SCHIP1: variants seen among roughly 807,000 people sequenced by gnomAD.
SCHIP1 encodes schwannomin interacting protein 1, also known as schwannomin-interacting protein 1.
A neutral mutation model predicts 29.7 loss-of-function variants in SCHIP1; 8 were observed. The observed-to-expected ratio is 0.27, with a 90% confidence interval of 0.16 to 0.49. SCHIP1 has a LOEUF of 0.49. Ranked by LOEUF, SCHIP1 falls within the 20% of genes least tolerant of loss-of-function variation. The pLI is 0.99. For synonymous variants in SCHIP1, 76 were observed against 94.9 expected (o/e 0.80, Z 1.16); for missense variants, 193 against 294.6 (o/e 0.66, Z 2.52).
At chr3:159,719,668 A>G in the SCHIP1 span, among the ~76,000 whole-genome samples, 1 of 152,236 alleles carries the variant, frequency 6.6e-6, no homozygotes, top group Admixed American at 6.5e-5. Flanking sequence ...AGAAATGCAA[A>G]CCAAAACTAC....
chr3:159,307,464 G>A, the SCHIP1 span, among the ~76,000 whole-genome samples: 3,380 of 152,276 alleles, frequency 0.022, 117 homozygotes, highest in African/African-American at 0.077. Flanking sequence ...GGCTGGTAGG[G>A]AATATGGACA....
chr3:159,586,793 A>G, the SCHIP1 span, among the ~76,000 whole-genome samples: 1 of 151,838 alleles, frequency 6.6e-6, no homozygotes, highest in South Asian at 2.1e-4. Context: ...ATGAGGCCTG[A>G]AGTCCTTCCA....
the SCHIP1 span, among the ~76,000 whole-genome samples, chr3:159,538,207 G>T: frequency 6.6e-6 from 1 of 151,794 alleles, no homozygotes; most frequent in Non-Finnish European, 1.5e-5. Context: ...AAGAAAAGTG[G>T]GGGAGAAGTT....
chr3:159,493,179 A>G, the SCHIP1 span, among the ~76,000 whole-genome samples: 5 of 152,260 alleles, frequency 3.3e-5, no homozygotes, highest in Admixed American at 3.3e-4. Flanking sequence ...AAGGCTAGGA[A>G]GAAACTGCAT....
the SCHIP1 span, among the ~76,000 whole-genome samples, chr3:159,511,051 G>A: frequency 6.6e-6 from 1 of 152,330 alleles, no homozygotes. Context: ...GTTTGGCTAT[G>A]CCCTGCCCCC....
chr3:159,398,222 G>C, the SCHIP1 span, among the ~76,000 whole-genome samples: 5 of 152,144 alleles, frequency 3.3e-5, no homozygotes, highest in African/African-American at 1.2e-4. Context: ...TACGCCCACT[G>C]TCTGGCACTC....
At chr3:159,805,249 T>C in the SCHIP1 span, among the ~76,000 whole-genome samples, 1 of 152,192 alleles carries the variant, frequency 6.6e-6, no homozygotes, top group African/African-American at 2.4e-5. Flanking sequence ...CCTGCTGTTC[T>C]GAGAATCAGC....
chr3:159,636,454 G>A, the SCHIP1 span, among the ~76,000 whole-genome samples: 1 of 152,224 alleles, frequency 6.6e-6, no homozygotes, highest in Non-Finnish European at 1.5e-5. Context: ...AACAGAGAGG[G>A]AGAGAAATCC....
chr3:159,541,024 T>C, the SCHIP1 span, among the ~76,000 whole-genome samples: 1 of 152,068 alleles, frequency 6.6e-6, no homozygotes, highest in Non-Finnish European at 1.5e-5. Flanking sequence ...GATAAAATAC[T>C]GCATGGAAAC....
chr3:159,432,643 T>C, the SCHIP1 span, among the ~76,000 whole-genome samples: 1 of 152,132 alleles, frequency 6.6e-6, no homozygotes, highest in East Asian at 1.9e-4. Flanking sequence ...ATGTTTGATG[T>C]AGTTAAATGA....
the SCHIP1 span, among the ~76,000 whole-genome samples, chr3:159,569,107 C>T: frequency 6.6e-6 from 1 of 152,060 alleles, no homozygotes; most frequent in Non-Finnish European, 1.5e-5. Context: ...TCCTGAGTCC[C>T]TGTGTTTTAA....
the SCHIP1 span, among the ~76,000 whole-genome samples, chr3:159,399,337 A>G: frequency 1.3e-5 from 2 of 152,090 alleles, no homozygotes; most frequent in African/African-American, 2.4e-5. Context: ...GTATTGTATT[A>G]GATCATGTGT....
chr3:159,487,456 A>T, the SCHIP1 span, among the ~76,000 whole-genome samples: 2 of 152,062 alleles, frequency 1.3e-5, no homozygotes, highest in South Asian at 2.1e-4. Context: ...TGCCAGGCAT[A>T]GCACAGCAGT....
the SCHIP1 span, among the ~76,000 whole-genome samples, chr3:159,626,120 A>C: frequency 2.5e-5 from 3 of 118,656 alleles, no homozygotes; most frequent in African/African-American, 1.9e-4. Flanking sequence ...ATAGATAGAT[A>C]GATAGATAGA....
At chr3:159,318,767 T>G in the SCHIP1 span, among the ~76,000 whole-genome samples, 1 of 152,168 alleles carries the variant, frequency 6.6e-6, no homozygotes, top group African/African-American at 2.4e-5. Context: ...AGATACCACT[T>G]CCATCTGATT....
the SCHIP1 span, among the ~76,000 whole-genome samples, chr3:159,299,884 A>G: frequency 6.6e-6 from 1 of 152,108 alleles, no homozygotes; most frequent in African/African-American, 2.4e-5. Flanking sequence ...CATTCCTGTG[A>G]TAATTGCCAA....
At chr3:159,890,433 A>G (rs62270409) in intron 5 of SCHIP1, among the ~76,000 whole-genome samples, 6,381 of 152,324 alleles carry the variant, frequency 0.042, 185 homozygotes, top group Non-Finnish European at 0.065. Flanking sequence ...GCTACACAAG[A>G]GCACACTGGA....
the SCHIP1 span, among the ~76,000 whole-genome samples, chr3:159,349,263 G>C: frequency 6.6e-6 from 1 of 152,186 alleles, no homozygotes; most frequent in Admixed American, 6.5e-5. Flanking sequence ...TGTCGTGCAA[G>C]CGATGTTCAT....
chr3:159,449,256 C>A, the SCHIP1 span, among the ~76,000 whole-genome samples: 4 of 152,148 alleles, frequency 2.6e-5, no homozygotes, highest in East Asian at 1.9e-4. Context: ...GTGTGTAGAT[C>A]TTGGATAAGA....
Sources: allele counts gnomAD v4.1 joint callset (sites outside exome capture counted in the v4.1 genomes callset), GRCh38; gene constraint gnomAD v4.1.1; transcripts MANE v1.5; gene names NCBI Gene and HGNC (gene_info 2026-07-23, HGNC 2026-07-21).